The following NRXN3 variants were observed in gnomAD, a reference collection of about 807,000 sequenced individuals.
The protein encoded by NRXN3 is neurexin III.
Under a neutral mutation model 137.6 loss-of-function variants are expected in NRXN3, and 32 were observed. The observed-to-expected ratio is 0.23, with a 90% confidence interval of 0.18 to 0.31. The LOEUF is 0.31. NRXN3 is among the 10% of genes least tolerant of loss of function. The probability of loss-of-function intolerance (pLI) is 1.00; values close to 1 mark genes in which losing one functional copy is unlikely to be tolerated. For missense variants in NRXN3, 1,574 were observed against 2,062.5 expected, an observed-to-expected ratio of 0.76 and a Z score of 4.59; for synonymous variants, 798 against 784.5, an observed-to-expected ratio of 1.02 and a Z score of -0.29.
intron 4 of NRXN3, among the ~76,000 whole-genome samples, chr14:78,551,939 ATC>A (rs2096695415): frequency 6.6e-6 from 1 of 152,158 alleles, no homozygotes; most frequent in Non-Finnish European, 1.5e-5. Flanking sequence ...GCCCTTAGAG[ATC>A]AAGTAGCCCA....
chr14:78,442,520 C>G (rs2094292935), intron 4 of NRXN3, among the ~76,000 whole-genome samples: 1 of 152,198 alleles, frequency 6.6e-6, no homozygotes, highest in Non-Finnish European at 1.5e-5. Context: ...TAAGTTTCTG[C>G]TGTTCTAAGC....
At chr14:79,179,019 A>T (rs1443363283) in intron 15 of NRXN3, among the ~76,000 whole-genome samples, 2 of 152,194 alleles carry the variant, frequency 1.3e-5, no homozygotes, top group Non-Finnish European at 2.9e-5. Flanking sequence ...TATTTCTAAA[A>T]TGAGGCTGAT....
intron 15 of NRXN3, among the ~76,000 whole-genome samples, chr14:78,995,008 G>A: frequency 6.6e-6 from 1 of 152,146 alleles, no homozygotes; most frequent in Non-Finnish European, 1.5e-5. Flanking sequence ...TCCCAGGTTT[G>A]TCTGACATAA....
chr14:78,992,871 A>T (rs1218668294), intron 15 of NRXN3, among the ~76,000 whole-genome samples: 3 of 152,170 alleles, frequency 2.0e-5, no homozygotes, highest in Non-Finnish European at 4.4e-5. Context: ...ACACACATCA[A>T]GTTCCTGACT....
At chr14:79,454,397 G>C (rs1330979854) in intron 15 of NRXN3, among the ~76,000 whole-genome samples, 4 of 151,970 alleles carry the variant, frequency 2.6e-5, no homozygotes, top group African/African-American at 9.7e-5. Context: ...TGTATTTTTA[G>C]TAGAGACAGG....
intron 4 of NRXN3, among the ~76,000 whole-genome samples, chr14:78,443,270 G>T (rs1042067324): frequency 6.6e-6 from 1 of 152,154 alleles, no homozygotes; most frequent in Non-Finnish European, 1.5e-5. Context: ...TTATTCAGGG[G>T]TCTTTGTTTT....
intron 10 of NRXN3, among the ~76,000 whole-genome samples, chr14:78,816,728 C>T (rs1257814432): frequency 2.6e-5 from 4 of 152,086 alleles, no homozygotes; most frequent in African/African-American, 9.7e-5. Context: ...ATATATATTA[C>T]CAAATTGCAC....
At chr14:78,692,096 A>G (rs951759236) in intron 6 of NRXN3, among the ~76,000 whole-genome samples, 2 of 152,222 alleles carry the variant, frequency 1.3e-5, no homozygotes, top group African/African-American at 4.8e-5. Flanking sequence ...GAAACGCTTT[A>G]CTATCCACTT....
At chr14:78,750,859 CCCTT>C (rs925258476) in intron 8 of NRXN3, among the ~76,000 whole-genome samples, 29 of 152,268 alleles carry the variant, frequency 1.9e-4, no homozygotes, top group Middle Eastern at 3.4e-3. Context: ...CTAGCATTGG[CCCTT>C]CCTTTAGTTT....
At position 79,467,401 on chromosome 14, in the gene NRXN3, TAGTG is replaced by T; in HGVS notation, c.3444+3_3444+6del. 6.2e-7 allele frequency: 1 copy of T among 1,603,134 alleles called. No homozygotes were observed. The highest frequency in any genetic ancestry group is 8.5e-7 in the Non-Finnish European group (1 of 1,171,170). ...CTTGGTGACTTCCTCCAGCTTCACA[TAGTG>T]AGTACAGGGCCTTGGCCTGGATTTT... On this transcript the variant is annotated splice_donor_variant and splice_donor_region_variant and coding_sequence_variant and intron_variant, in exon 16 of 21. Transcript: ENST00000335750. LOFTEE classifies it high-confidence loss of function.
chr14:79,462,033 T>C (rs1600655093), intron 15 of NRXN3, among the ~76,000 whole-genome samples: 1 of 152,198 alleles, frequency 6.6e-6, no homozygotes, highest in African/African-American at 2.4e-5. Context: ...TTTATTGTTC[T>C]ACTTGTTATA....
intron 16 of NRXN3, among the ~76,000 whole-genome samples, chr14:79,482,711 C>G (rs1371434570): frequency 6.6e-6 from 1 of 152,024 alleles, no homozygotes; most frequent in Non-Finnish European, 1.5e-5. Flanking sequence ...CAAAAACAAC[C>G]AAACAAACCA....
chr14:78,445,322 ACT>A (rs892493317), intron 4 of NRXN3, among the ~76,000 whole-genome samples: 4 of 152,216 alleles, frequency 2.6e-5, no homozygotes, highest in Non-Finnish European at 5.9e-5. Context: ...TCTCTCCGGA[ACT>A]CAGGTTGTAA....
At chr14:79,823,793 C>A in intron 20 of NRXN3, 1 of 335,682 alleles carries the variant, frequency 3.0e-6, no homozygotes, top group Non-Finnish European at 6.7e-6. Context: ...GATGTATGGC[C>A]CTGCAAGGAA....
chr14:79,471,107 A>C (rs1291706408), intron 16 of NRXN3, among the ~76,000 whole-genome samples: 1 of 152,016 alleles, frequency 6.6e-6, no homozygotes, highest in East Asian at 1.9e-4. Context: ...TGTCGTTGGA[A>C]TATTTCCTTT....
chr14:79,525,236 T>C (rs920111871), intron 16 of NRXN3, among the ~76,000 whole-genome samples: 1 of 152,206 alleles, frequency 6.6e-6, no homozygotes, highest in African/African-American at 2.4e-5. Context: ...TATTGTTTAC[T>C]GAGCCCCAAC....
At chr14:79,042,223 G>A (rs1408087814) in intron 15 of NRXN3, among the ~76,000 whole-genome samples, 1 of 152,138 alleles carries the variant, frequency 6.6e-6, no homozygotes, top group Non-Finnish European at 1.5e-5. Context: ...ATATTCCAAC[G>A]ATTCCTATCA....
intron 15 of NRXN3, among the ~76,000 whole-genome samples, 178 bp from the exon 16 acceptor site, chr14:79,467,043 A>AT: frequency 6.6e-6 from 1 of 152,274 alleles, no homozygotes; most frequent in Non-Finnish European, 1.5e-5. Flanking sequence ...TGCATCTTTA[A>AT]TTTGGGGTGA....
rs17109150 is a variant in NRXN3 at position 79,412,329 on chromosome 14, T to C, written c.3263-54892T>C. ...AATACTTATGGATTAGTGGGGGCCC[T>C]TTCACTAGGCTACAAAGAATTTGAG... On this transcript the variant is annotated intron_variant, in intron 15 of 20. Coordinates refer to ENST00000335750, the MANE Select transcript of NRXN3 (RefSeq NM_001330195.2). Among the ~76,000 whole-genome samples, 1,404 of 152,240 alleles carry C rather than the reference T, an allele frequency of 9.2e-3. 33 individuals carry two copies. In the East Asian group the frequency reaches 0.099, roughly 11 times the overall value.
Sources: allele counts gnomAD v4.1 joint callset (sites outside exome capture counted in the v4.1 genomes callset), GRCh38; gene constraint gnomAD v4.1.1; transcripts MANE v1.5; gene names NCBI Gene and HGNC (gene_info 2026-07-23, HGNC 2026-07-21).